The following MAP4K4 variants were observed in gnomAD, a reference collection of about 807,000 sequenced individuals.
MAP4K4 encodes HPK/GCK-like kinase HGK.
MAP4K4 carries 38 observed loss-of-function variants against 189.6 expected under a neutral mutation model. That is an observed-to-expected ratio of 0.20 (90% CI 0.15 to 0.26). MAP4K4 has a LOEUF of 0.26. MAP4K4 is among the 10% of genes least tolerant of loss of function. The pLI is 1.00. For missense variants in MAP4K4, 1,054 were observed against 1,726.9 expected, an observed-to-expected ratio of 0.61 and a Z score of 6.91; for synonymous variants, 610 against 624.3, an observed-to-expected ratio of 0.98 and a Z score of 0.34.
chr2:101,838,593 A>G (rs2096831296), intron 9 of MAP4K4, among the ~76,000 whole-genome samples: 1 of 152,120 alleles, frequency 6.6e-6, no homozygotes, highest in Non-Finnish European at 1.5e-5. Context: ...CTTCTTGTCC[A>G]GTCTACTGTA....
intron 10 of MAP4K4, among the ~76,000 whole-genome samples, chr2:101,841,661 C>T (rs1025622070): frequency 6.6e-6 from 1 of 151,926 alleles, no homozygotes; most frequent in Non-Finnish European, 1.5e-5. Context: ...TAGAGACAGG[C>T]TTTCACCATG....
At chr2:101,816,202 A>G (rs1361703028) in intron 3 of MAP4K4, among the ~76,000 whole-genome samples, 4 of 152,036 alleles carry the variant, frequency 2.6e-5, no homozygotes, top group South Asian at 2.1e-4. Flanking sequence ...GCGCTTTCGT[A>G]TATTTTGGCT....
chr2:101,820,778 G>A (rs1210415361), intron 3 of MAP4K4, among the ~76,000 whole-genome samples: 5 of 152,154 alleles, frequency 3.3e-5, no homozygotes, highest in East Asian at 3.9e-4. Flanking sequence ...GATACCACTG[G>A]GAGTGAGTTG....
intron 3 of MAP4K4, chr2:101,797,140 C>A: frequency 1.0e-6 from 1 of 983,832 alleles, no homozygotes; most frequent in Non-Finnish European, 1.3e-6. Flanking sequence ...TGGAGGGGAG[C>A]ACAATGTAAT....
In MAP4K4 at chr2:101,889,859, A is replaced by G. The variant is rs564274577; in HGVS notation, c.4071+924A>G. Among the ~76,000 whole-genome samples, 3 of 152,248 alleles carry G rather than the reference A, an allele frequency of 2.0e-5. No individual in the cohort carries two copies. In the East Asian group the frequency reaches 5.8e-4, roughly 29 times the overall value. ...CTTGGCAGCTGGTCCTGCTTGCCCG[A>G]TACATCCCAAACACAAAGTCACTTC... On this transcript the variant is annotated intron_variant, in intron 32 of 32. Transcript: ENST00000324219.
chr2:101,729,790 G>A (rs540328889), intron 2 of MAP4K4, among the ~76,000 whole-genome samples: 5 of 152,262 alleles, frequency 3.3e-5, no homozygotes, highest in East Asian at 3.9e-4. Flanking sequence ...CCAAGCCAAA[G>A]GTCCTTCTCT....
intron 13 of MAP4K4, among the ~76,000 whole-genome samples, chr2:101,856,361 T>C (rs1174624791): frequency 6.6e-6 from 1 of 152,228 alleles, no homozygotes; most frequent in East Asian, 1.9e-4. Context: ...CATTACACTT[T>C]AGGAACCTGT....
intron 2 of MAP4K4, among the ~76,000 whole-genome samples, chr2:101,740,506 A>G (rs1230439879): frequency 2.0e-5 from 3 of 152,170 alleles, no homozygotes; most frequent in African/African-American, 4.8e-5. Flanking sequence ...TAAAGCCTGC[A>G]TTGCTGTATT....
chr2:101,785,739 T>TCCCTCTCTCTCTCC, intron 2 of MAP4K4, among the ~76,000 whole-genome samples: 1 of 7,780 alleles, frequency 1.3e-4, no homozygotes. Context: ...TCTCTCTCTC[T>TCCCTCTCTCTCTCC]CTCTCTCTCT....
chr2:101,739,683 GTAGA>G, intron 2 of MAP4K4, among the ~76,000 whole-genome samples: 1 of 152,250 alleles, frequency 6.6e-6, no homozygotes, highest in East Asian at 1.9e-4. Flanking sequence ...TTTACAACTG[GTAGA>G]TAGAAGAATT....
intron 23 of MAP4K4, chr2:101,870,673 C>T: frequency 2.3e-6 from 1 of 435,198 alleles, no homozygotes; most frequent in Non-Finnish European, 4.3e-6. Context: ...CGCGCTGAGT[C>T]TCACAGTCTA....
chr2:101,729,244 T>G (rs548624794), intron 2 of MAP4K4, among the ~76,000 whole-genome samples: 9 of 79,364 alleles, frequency 1.1e-4, no homozygotes, highest in Admixed American at 4.9e-4. Flanking sequence ...TTTAATATTA[T>G]GCTTACAGTC....
At chr2:101,858,024 T>G in intron 13 of MAP4K4, among the ~76,000 whole-genome samples, 1 of 152,212 alleles carries the variant, frequency 6.6e-6, no homozygotes, top group East Asian at 1.9e-4. Flanking sequence ...CTCTTTGGCT[T>G]GTAAAATGTT....
At chr2:101,860,202 T>C in intron 15 of MAP4K4, 1 of 363,172 alleles carries the variant, frequency 2.8e-6, no homozygotes, top group South Asian at 2.6e-5. Flanking sequence ...GCCAAGCTAG[T>C]ATAAAGCTAA....
intron 2 of MAP4K4, among the ~76,000 whole-genome samples, chr2:101,779,471 G>A (rs11894699): frequency 0.097 from 14,768 of 152,108 alleles, 1,196 homozygotes; most frequent in African/African-American, 0.22. Context: ...GATGGGTTGA[G>A]TGTACAACTC....
At chr2:101,745,586 C>A (rs1490394233) in intron 2 of MAP4K4, among the ~76,000 whole-genome samples, 1 of 151,978 alleles carries the variant, frequency 6.6e-6, no homozygotes, top group Non-Finnish European at 1.5e-5. Flanking sequence ...ATTTGAAATG[C>A]CACGGTCATA....
chr2:101,858,233 A>G (rs1365393962), intron 13 of MAP4K4, among the ~76,000 whole-genome samples: 4 of 152,228 alleles, frequency 2.6e-5, no homozygotes, highest in Non-Finnish European at 5.9e-5. Flanking sequence ...CCTGTCCTTT[A>G]TAATACGCAT....
chr2:101,736,015 A>G (rs2060145065), intron 2 of MAP4K4, among the ~76,000 whole-genome samples: 1 of 152,150 alleles, frequency 6.6e-6, no homozygotes, highest in South Asian at 2.1e-4. Flanking sequence ...GATGCCTACT[A>G]GTTACAGGTG....
chr2:101,707,729 C>T (rs1467571814), intron 2 of MAP4K4, among the ~76,000 whole-genome samples: 11 of 135,220 alleles, frequency 8.1e-5, no homozygotes, highest in Non-Finnish European at 1.6e-4. Context: ...CTCGCTTTGT[C>T]GCCCAGGCTG....
Sources: gnomAD v4.1 joint callset for allele counts (sites outside exome capture counted in the v4.1 genomes callset) on GRCh38, gnomAD v4.1.1 for gene constraint, MANE v1.5 for transcripts, NCBI Gene and HGNC (gene_info 2026-07-23, HGNC 2026-07-21) for gene names.